The following GPC5 variants were observed in gnomAD, a reference collection of about 807,000 sequenced individuals.
GPC5 encodes the protein glypican-5.
In GPC5, 47 loss-of-function variants were observed where a neutral mutation model predicts 53.9. That is an observed-to-expected ratio of 0.87 (90% CI 0.69 to 1.11). The LOEUF (loss-of-function observed/expected upper bound fraction) is 1.11. Among genes scored for constraint, GPC5 ranks in the 50% most tolerant of loss-of-function variants. The pLI is 0.00. For missense variants in GPC5, 748 were observed against 713.1 expected (o/e 1.05, Z -0.56); for synonymous variants, 286 against 263.3 (o/e 1.09, Z -0.84).
chr13:91,511,780 T>A (rs961302576), intron 2 of GPC5, among the ~76,000 whole-genome samples: 1 of 152,164 alleles, frequency 6.6e-6, no homozygotes, highest in South Asian at 2.1e-4. Context: ...ATTATATTAC[T>A]TAACATATTT....
At chr13:92,091,929 G>T (rs1173110970) in intron 6 of GPC5, among the ~76,000 whole-genome samples, 9 of 152,042 alleles carry the variant, frequency 5.9e-5, no homozygotes, top group African/African-American at 2.2e-4. Context: ...CAACAGATTT[G>T]CTTTTTTACT....
intron 7 of GPC5, among the ~76,000 whole-genome samples, chr13:92,219,864 A>G (rs1032306631): frequency 1.3e-5 from 2 of 152,170 alleles, no homozygotes; most frequent in Non-Finnish European, 1.5e-5. Context: ...GAGGGTTTTT[A>G]AACCCCAGAA....
chr13:91,942,161 T>G (rs1478004739), intron 6 of GPC5, among the ~76,000 whole-genome samples: 1 of 152,124 alleles, frequency 6.6e-6, no homozygotes, highest in Admixed American at 6.5e-5. Context: ...AAAGTTATAT[T>G]GTTGGTCTTA....
intron 7 of GPC5, among the ~76,000 whole-genome samples, chr13:92,735,860 T>C (rs958401902): frequency 1.2e-4 from 18 of 152,016 alleles, no homozygotes; most frequent in South Asian, 8.3e-4. Context: ...GTATGTGTCC[T>C]ATCAGCCTCA....
intron 6 of GPC5, among the ~76,000 whole-genome samples, chr13:92,063,659 G>A (rs924486354): frequency 1.3e-5 from 2 of 152,080 alleles, no homozygotes; most frequent in Non-Finnish European, 2.9e-5. Context: ...ATTTGAAGGT[G>A]AGATCAAAAT....
At chr13:92,317,667 T>A (rs1288432170) in intron 7 of GPC5, among the ~76,000 whole-genome samples, 6 of 147,812 alleles carry the variant, frequency 4.1e-5, no homozygotes, top group Non-Finnish European at 6.0e-5. Context: ...TAATTTTTTT[T>A]ATTTTTTTAT....
In GPC5 at chr13:92,243,263, G is replaced by A. The variant is rs933247617; in HGVS notation, c.1561+98274G>A. Among the ~76,000 whole-genome samples, 12 of 152,136 alleles carry A rather than the reference G, an allele frequency of 7.9e-5. No individual in the cohort carries two copies. In the East Asian group the frequency reaches 2.1e-3, roughly 27 times the overall value. On this transcript the variant is annotated intron_variant, in intron 7 of 7. Transcript: ENST00000377067. ...ATTTTGAACCCTTTCCCTTCTGTTT[G>A]GATCACTTTATGGCTTAATATTTGT...
chr13:92,588,401 C>T (rs989815379), intron 7 of GPC5, among the ~76,000 whole-genome samples: 14 of 152,170 alleles, frequency 9.2e-5, no homozygotes, highest in Admixed American at 5.9e-4. Flanking sequence ...CTTAACACTG[C>T]GTGTGTTGCT....
chr13:92,814,574 T>A (rs1877401636), intron 7 of GPC5, among the ~76,000 whole-genome samples: 1 of 150,704 alleles, frequency 6.6e-6, no homozygotes, highest in African/African-American at 2.5e-5. Flanking sequence ...GGCAGGAAAA[T>A]CACTTTAACC....
At chr13:91,948,463 A>G (rs1351828545) in intron 6 of GPC5, among the ~76,000 whole-genome samples, 3 of 152,082 alleles carry the variant, frequency 2.0e-5, no homozygotes, top group Non-Finnish European at 2.9e-5. Flanking sequence ...GGATACATCA[A>G]TGAATTCTCT....
At chr13:92,664,655 T>G in intron 7 of GPC5, among the ~76,000 whole-genome samples, 1 of 152,192 alleles carries the variant, frequency 6.6e-6, no homozygotes, top group Middle Eastern at 3.4e-3. Flanking sequence ...AATATCAGAT[T>G]AACAAAAAAT....
At chr13:91,976,131 G>T (rs915332215) in intron 6 of GPC5, among the ~76,000 whole-genome samples, 16 of 152,120 alleles carry the variant, frequency 1.1e-4, no homozygotes, top group Non-Finnish European at 2.4e-4. Context: ...TGGGGTTGGG[G>T]GAGGGGGAAG....
chr13:91,600,183 AG>A (rs1420931404), intron 2 of GPC5, among the ~76,000 whole-genome samples: 1 of 152,168 alleles, frequency 6.6e-6, no homozygotes, highest in Non-Finnish European at 1.5e-5. Flanking sequence ...GGCCTCCCAA[AG>A]TGCTGTGATT....
chr13:92,404,674 C>T (rs1875716853), intron 7 of GPC5, among the ~76,000 whole-genome samples: 1 of 131,980 alleles, frequency 7.6e-6, no homozygotes, highest in South Asian at 2.3e-4. Flanking sequence ...GAAACTGAGG[C>T]CTATACTGAA....
At chr13:91,799,245 A>G (rs571971273) in intron 5 of GPC5, among the ~76,000 whole-genome samples, 1 of 152,320 alleles carries the variant, frequency 6.6e-6, no homozygotes, top group East Asian at 1.9e-4. Flanking sequence ...AAAATCAAAT[A>G]TTGCCTATTC....
intron 7 of GPC5, among the ~76,000 whole-genome samples, chr13:92,344,624 A>G (rs1313429398): frequency 6.6e-6 from 1 of 152,130 alleles, no homozygotes; most frequent in East Asian, 1.9e-4. Context: ...AAAAGGAAAA[A>G]TACTGGTTTG....
At chr13:91,546,475 A>G (rs2030294480) in intron 2 of GPC5, among the ~76,000 whole-genome samples, 1 of 152,106 alleles carries the variant, frequency 6.6e-6, no homozygotes, top group Admixed American at 6.5e-5. Flanking sequence ...AAGCCAAACA[A>G]TTCCAAACAA....
intron 7 of GPC5, among the ~76,000 whole-genome samples, chr13:92,828,715 G>T (rs1418609806): frequency 6.6e-6 from 1 of 152,076 alleles, no homozygotes; most frequent in Non-Finnish European, 1.5e-5. Context: ...ACAGGGTTCT[G>T]CTGGTACCTT....
intron 7 of GPC5, among the ~76,000 whole-genome samples, chr13:92,614,193 A>C (rs1032689359): frequency 5.3e-5 from 8 of 152,152 alleles, no homozygotes; most frequent in Non-Finnish European, 1.0e-4. Flanking sequence ...AATACCATTA[A>C]AAATAATTGA....
Sources: allele counts gnomAD v4.1 joint callset (sites outside exome capture counted in the v4.1 genomes callset), GRCh38; gene constraint gnomAD v4.1.1; transcripts MANE v1.5; gene names NCBI Gene and HGNC (gene_info 2026-07-23, HGNC 2026-07-21).